The following GABBR2 variants were observed in gnomAD, a reference collection of about 807,000 sequenced individuals.
GABBR2 encodes the protein gamma-aminobutyric acid type B receptor subunit 2, also known as G-protein coupled receptor 51.
GABBR2 carries 23 observed loss-of-function variants against 105.6 expected under a neutral mutation model. The observed-to-expected ratio is 0.22, with a 90% CI of 0.16 to 0.31. The LOEUF is 0.31. Among genes scored for constraint, GABBR2 ranks in the 10% least tolerant of loss-of-function variants. The probability of loss-of-function intolerance (pLI) is 1.00; values close to 1 mark genes in which losing one functional copy is unlikely to be tolerated. For missense variants in GABBR2, 734 were observed against 1,245.5 expected (o/e 0.59, Z 6.18); for synonymous variants, 478 against 499.7 (o/e 0.96, Z 0.58).
chr9:98,324,653 A>T (rs1201166030), intron 13 of GABBR2, among the ~76,000 whole-genome samples: 1 of 152,164 alleles, frequency 6.6e-6, no homozygotes, highest in Admixed American at 6.5e-5. Context: ...TTTCCAAAAC[A>T]GGATGCGTAA....
chr9:98,435,065 C>G (rs1315819400), intron 7 of GABBR2, among the ~76,000 whole-genome samples: 1 of 152,150 alleles, frequency 6.6e-6, no homozygotes, highest in African/African-American at 2.4e-5. Flanking sequence ...AGGCTCAGAG[C>G]AAAGCTCTTC....
intron 1 of GABBR2, among the ~76,000 whole-genome samples, chr9:98,676,403 T>C (rs1282899614): frequency 6.6e-6 from 1 of 152,240 alleles, no homozygotes; most frequent in East Asian, 1.9e-4. Flanking sequence ...TTGTGGTAAA[T>C]TTTTATAGCA....
At chr9:98,332,202 C>T (rs973279071) in intron 13 of GABBR2, among the ~76,000 whole-genome samples, 1 of 152,190 alleles carries the variant, frequency 6.6e-6, no homozygotes, top group Non-Finnish European at 1.5e-5. Context: ...GCAGCAGAGT[C>T]TGCAGGATTA....
intron 1 of GABBR2, among the ~76,000 whole-genome samples, chr9:98,662,014 C>G (rs1830271995): frequency 6.6e-6 from 1 of 152,212 alleles, no homozygotes; most frequent in Non-Finnish European, 1.5e-5. Context: ...TTCTGCTTCA[C>G]TTCAACTCTT....
At chr9:98,564,157 C>G (rs1490362454) in intron 2 of GABBR2, among the ~76,000 whole-genome samples, 1 of 152,108 alleles carries the variant, frequency 6.6e-6, no homozygotes, top group Non-Finnish European at 1.5e-5. Flanking sequence ...TCAGGGGACA[C>G]GTACTGCCTG....
At chr9:98,313,157 T>G (rs1225906617) in intron 13 of GABBR2, among the ~76,000 whole-genome samples, 1 of 152,232 alleles carries the variant, frequency 6.6e-6, no homozygotes, top group African/African-American at 2.4e-5. Flanking sequence ...TCATGCTGCC[T>G]TCTATGTTTT....
intron 6 of GABBR2, among the ~76,000 whole-genome samples, chr9:98,470,416 G>T (rs888861850): frequency 3.9e-5 from 6 of 152,144 alleles, no homozygotes; most frequent in African/African-American, 7.2e-5. Flanking sequence ...CAAGCAAAAT[G>T]AATTTCCCCT....
chr9:98,492,349 T>TTAAAAAAAAAAAAAAAAAAAAAAAA (rs752135873), intron 4 of GABBR2, among the ~76,000 whole-genome samples: 1 of 29,218 alleles, frequency 3.4e-5, no homozygotes, highest in Non-Finnish European at 8.6e-5. Flanking sequence ...TGTTTCCTAG[T>TTAAAAAAAAAAAAAAAAAAAAAAAA]AAAAAAAAAA....
intron 1 of GABBR2, among the ~76,000 whole-genome samples, chr9:98,647,458 T>C (rs549741966): frequency 2.6e-5 from 4 of 152,348 alleles, no homozygotes; most frequent in South Asian, 2.1e-4. Context: ...GGCCTCAAGT[T>C]TGATCTCAGC....
In GABBR2 at chr9:98,396,763, T is replaced by C. The variant is rs533806216; in HGVS notation, c.1298-2508A>G. The stretch of plus-strand genomic sequence containing the variant: ...GTTGATCAGAATCAATCATCAAGAG[T>C]GGGGAATGGTGTGGCTGGCACCCCA... On this transcript the variant is annotated intron_variant, in intron 8 of 18. Coordinates refer to ENST00000259455, the MANE Select transcript of GABBR2 (RefSeq NM_005458.8). 5.9e-5 allele frequency among the ~76,000 whole-genome samples: 9 copies of C among 152,174 alleles called. No homozygotes were observed. In the East Asian group the frequency reaches 1.7e-3, roughly 29 times the overall value.
At chr9:98,586,887 T>A (rs144311734) in intron 1 of GABBR2, among the ~76,000 whole-genome samples, 2,870 of 152,330 alleles carry the variant, frequency 0.019, 47 homozygotes, top group Non-Finnish European at 0.03. Flanking sequence ...TGTGTTTGGT[T>A]GCTGCTGTAA....
chr9:98,538,732 C>T (rs551593367), intron 3 of GABBR2: 17 of 232,300 alleles, frequency 7.3e-5, no homozygotes, highest in African/African-American at 3.0e-4. Context: ...TGCACCAGTC[C>T]GGAACAGAAG....
rs60374831 is a variant in GABBR2, at chr9:98,663,657, T to TAA, written c.321+44758_321+44759dup. ...AGGAGGCTGAAAGCAGCTGCCCCAC[T>TAA]AAAAAAAAAAAAAAAAAAATTATGA... On this transcript the variant is annotated intron_variant, in intron 1 of 18. Coordinates refer to ENST00000259455, the MANE Select transcript of GABBR2 (RefSeq NM_005458.8). Among the ~76,000 whole-genome samples, 771 of 130,188 alleles carry TAA rather than the reference T, an allele frequency of 5.9e-3. 3 individuals are homozygous for TAA. Among genetic ancestry groups the TAA allele is most frequent in the Middle Eastern group, 0.016 (4 of 246 alleles). The allele number at this position is 130,188 out of a possible 152,430, so 85.4% of individuals were successfully genotyped here.
chr9:98,431,272 A>G (rs1825804740), intron 7 of GABBR2, among the ~76,000 whole-genome samples: 1 of 152,156 alleles, frequency 6.6e-6, no homozygotes, highest in African/African-American at 2.4e-5. Flanking sequence ...CTTTTGGAAT[A>G]GCAACCATTG....
chr9:98,520,394 G>T (rs1004292190), intron 3 of GABBR2, among the ~76,000 whole-genome samples: 3 of 152,226 alleles, frequency 2.0e-5, no homozygotes, highest in African/African-American at 7.2e-5. Flanking sequence ...CCTGTGATGG[G>T]AGAAATCTTT....
At chr9:98,400,641 T>C (rs111266337) in intron 8 of GABBR2, among the ~76,000 whole-genome samples, 223 of 152,316 alleles carry the variant, frequency 1.5e-3, no homozygotes, top group African/African-American at 5.1e-3. Context: ...GGGGCCTGGA[T>C]GGGTGAAGTG....
intron 1 of GABBR2, among the ~76,000 whole-genome samples, chr9:98,666,447 A>G (rs1355387682): frequency 6.6e-6 from 1 of 152,218 alleles, no homozygotes; most frequent in African/African-American, 2.4e-5. Flanking sequence ...AAAAGAACTT[A>G]CTGTCATCAT....
intron 13 of GABBR2, among the ~76,000 whole-genome samples, chr9:98,335,686 CA>C (rs1229888784): frequency 6.6e-6 from 1 of 152,152 alleles, no homozygotes; most frequent in Non-Finnish European, 1.5e-5. Flanking sequence ...ACAACAACAA[CA>C]ACCAAACTTC....
At chr9:98,652,952 G>A (rs910534299) in intron 1 of GABBR2, among the ~76,000 whole-genome samples, 2 of 152,202 alleles carry the variant, frequency 1.3e-5, no homozygotes, top group African/African-American at 2.4e-5. Context: ...TCATTGGTGT[G>A]GGTGGCCTCA....
Sources: gnomAD v4.1 joint callset for allele counts (sites outside exome capture counted in the v4.1 genomes callset) on GRCh38, gnomAD v4.1.1 for gene constraint, MANE v1.5 for transcripts, NCBI Gene and HGNC (gene_info 2026-07-23, HGNC 2026-07-21) for gene names.